ITSN1: variants seen among roughly 807,000 people sequenced by gnomAD.
ITSN1 encodes intersectin-1.
A neutral mutation model predicts 239.8 loss-of-function variants in ITSN1; 58 were observed. That is an observed-to-expected ratio of 0.24 (90% confidence interval 0.20 to 0.30). The LOEUF is 0.30. Ranked by LOEUF, ITSN1 falls within the 10% of genes least tolerant of loss-of-function variation. The pLI is 1.00. For missense variants in ITSN1, 1,558 were observed against 2,103.3 expected (o/e 0.74, Z 5.07); for synonymous variants, 780 against 770.8 (o/e 1.01, Z -0.20).
intron 14 of ITSN1, among the ~76,000 whole-genome samples, chr21:33,775,599 C>T (rs1200906755): frequency 6.6e-6 from 1 of 152,048 alleles, no homozygotes; most frequent in African/African-American, 2.4e-5. Flanking sequence ...GGGTATCTGG[C>T]AGAGCAAGAT....
intron 15 of ITSN1, among the ~76,000 whole-genome samples, 196 bp from the exon 16 acceptor site, chr21:33,781,798 C>G (rs997863907): frequency 6.6e-6 from 1 of 152,070 alleles, no homozygotes; most frequent in Non-Finnish European, 1.5e-5. Context: ...AGGCTGGTCT[C>G]GAACTCCTGA....
intron 1 of ITSN1, among the ~76,000 whole-genome samples, chr21:33,645,624 TG>T (rs572304372): frequency 1.1e-4 from 17 of 152,300 alleles, no homozygotes; most frequent in African/African-American, 3.1e-4. Flanking sequence ...CATTCTAGCC[TG>T]GGCGACAGAG....
chr21:33,703,077 C>T (rs2092095944), intron 1 of ITSN1, among the ~76,000 whole-genome samples: 1 of 133,004 alleles, frequency 7.5e-6, no homozygotes, highest in African/African-American at 3.1e-5. Flanking sequence ...CTGAGCGAGA[C>T]TCTGTCTGTG....
At chr21:33,654,615 G>A (rs1016027518) in intron 1 of ITSN1, among the ~76,000 whole-genome samples, 1 of 152,056 alleles carries the variant, frequency 6.6e-6, no homozygotes, top group Non-Finnish European at 1.5e-5. Flanking sequence ...CTCGGGTTGG[G>A]CACCTGACCA....
At chr21:33,848,368 C>A (rs1250535333) in intron 29 of ITSN1, among the ~76,000 whole-genome samples, 2 of 152,186 alleles carry the variant, frequency 1.3e-5, no homozygotes, top group Admixed American at 1.3e-4. Context: ...TCAGGAGGAA[C>A]CAGCCCTGTT....
chr21:33,695,390 T>C (rs1328155399), intron 1 of ITSN1, among the ~76,000 whole-genome samples: 2 of 152,182 alleles, frequency 1.3e-5, no homozygotes, highest in South Asian at 2.1e-4. Flanking sequence ...GTCAAGGAAA[T>C]AGGAAAAGCT....
At chr21:33,768,575 C>T (rs191246509) in intron 11 of ITSN1, among the ~76,000 whole-genome samples, 1 of 152,128 alleles carries the variant, frequency 6.6e-6, no homozygotes, top group East Asian at 1.9e-4. Flanking sequence ...GTCACTGTGC[C>T]CAGCTGAACC....
chr21:33,866,945 C>T (rs1981708940), intron 32 of ITSN1, among the ~76,000 whole-genome samples: 1 of 152,204 alleles, frequency 6.6e-6, no homozygotes, highest in African/African-American at 2.4e-5. Context: ...AAGCCAGAAT[C>T]TCATCTCTGT....
intron 1 of ITSN1, among the ~76,000 whole-genome samples, chr21:33,675,657 G>A (rs1010411992): frequency 2.0e-5 from 3 of 152,322 alleles, no homozygotes; most frequent in East Asian, 1.9e-4. Context: ...GTAGCTGTGT[G>A]CCTGTACCCA....
intron 29 of ITSN1, among the ~76,000 whole-genome samples, chr21:33,842,570 T>C (rs533223277): frequency 2.6e-5 from 4 of 152,040 alleles, no homozygotes; most frequent in Admixed American, 1.3e-4. Flanking sequence ...CTTAACTGCC[T>C]ACATCTGTAG....
chr21:33,722,816 C>G (rs2065580488), intron 4 of ITSN1, among the ~76,000 whole-genome samples, 165 bp downstream of exon 4: 1 of 152,114 alleles, frequency 6.6e-6, no homozygotes, highest in Admixed American at 6.5e-5. Context: ...TGAAAAGTGT[C>G]TTTCTCATAT....
At chr21:33,698,354 C>A (rs908287820) in intron 1 of ITSN1, among the ~76,000 whole-genome samples, 32 of 152,290 alleles carry the variant, frequency 2.1e-4, no homozygotes, top group African/African-American at 7.2e-4. Flanking sequence ...GCCACTCCCC[C>A]CTAACAACAA....
chr21:33,800,958 C>A (rs112684606), intron 19 of ITSN1, among the ~76,000 whole-genome samples: 191 of 151,750 alleles, frequency 1.3e-3, no homozygotes, highest in African/African-American at 4.5e-3. Context: ...CTCTGCCTCC[C>A]GGGCTCAAGC....
At chr21:33,777,804 G>A (rs376672525) in intron 14 of ITSN1, among the ~76,000 whole-genome samples, 1 of 152,070 alleles carries the variant, frequency 6.6e-6, no homozygotes, top group East Asian at 1.9e-4. Flanking sequence ...CTTCCTTTGT[G>A]TGTCTTACTT....
At chr21:33,678,087 G>A (rs1242467858) in intron 1 of ITSN1, among the ~76,000 whole-genome samples, 1 of 152,160 alleles carries the variant, frequency 6.6e-6, no homozygotes, top group African/African-American at 2.4e-5. Flanking sequence ...TCTGGCCTCT[G>A]TGCTTCTCCA....
intron 11 of ITSN1, 134 bp from the exon 12 acceptor site, chr21:33,771,927 C>A: frequency 1.1e-6 from 1 of 943,168 alleles, no homozygotes. Context: ...TGCTCATTAA[C>A]AAGGACACAG....
chr21:33,761,709 T>C (rs2068338840), intron 8 of ITSN1, among the ~76,000 whole-genome samples: 1 of 152,202 alleles, frequency 6.6e-6, no homozygotes, highest in African/African-American at 2.4e-5. Context: ...AACAAAAATT[T>C]ATTATGTGTC....
At chr21:33,758,034 C>T (rs1023292918) in intron 8 of ITSN1, among the ~76,000 whole-genome samples, 6 of 151,982 alleles carry the variant, frequency 3.9e-5, no homozygotes, top group East Asian at 1.9e-4. Flanking sequence ...GCATGCACCA[C>T]CACACCTGGC....
intron 1 of ITSN1, among the ~76,000 whole-genome samples, chr21:33,654,013 C>T (rs995720294): frequency 6.6e-6 from 1 of 151,134 alleles, no homozygotes; most frequent in African/African-American, 2.4e-5. Flanking sequence ...CCCTTTAATT[C>T]CTTCCTTCTT....
Sources: allele counts gnomAD v4.1 joint callset (sites outside exome capture counted in the v4.1 genomes callset), GRCh38; gene constraint gnomAD v4.1.1; transcripts MANE v1.5; gene names NCBI Gene and HGNC (gene_info 2026-07-23, HGNC 2026-07-21).